ITGB5: variants seen among roughly 807,000 people sequenced by gnomAD.
ITGB5 encodes integrin subunit beta 5.
Under a neutral mutation model 84.8 loss-of-function variants are expected in ITGB5, and 38 were observed. The ratio of observed to expected loss-of-function variants is 0.45; its 90% CI spans 0.35 to 0.59. The LOEUF (loss-of-function observed/expected upper bound fraction) is 0.59, where lower values mean the gene tolerates loss of function less well. ITGB5 is among the 20% of genes least tolerant of loss of function. The probability of loss-of-function intolerance (pLI) is 0.01; values close to 1 mark genes in which losing one functional copy is unlikely to be tolerated. For missense variants in ITGB5, 905 were observed against 1,034.5 expected (o/e 0.87, Z 1.72); for synonymous variants, 393 against 414.4 (o/e 0.95, Z 0.63).
intron 10 of ITGB5, among the ~76,000 whole-genome samples, chr3:124,787,252 C>G (rs1458487719): frequency 6.6e-6 from 1 of 152,080 alleles, no homozygotes; most frequent in Non-Finnish European, 1.5e-5. Flanking sequence ...TTCAGAATCA[C>G]AGGTGAATTG....
intron 1 of ITGB5, among the ~76,000 whole-genome samples, chr3:124,898,321 A>G (rs1353425725): frequency 6.6e-6 from 1 of 151,834 alleles, no homozygotes; most frequent in Non-Finnish European, 1.5e-5. Context: ...TACCATTTAG[A>G]GGATATCGTG....
Position 124,819,824 on chromosome 3 carries a change from G to A in ITGB5, c.953C>T (p.Ser318Phe). 1 of 1,613,514 alleles carries A rather than the reference G, an allele frequency of 6.2e-7. No homozygotes were observed. The highest frequency in any genetic ancestry group is 8.5e-7 in the Non-Finnish European group (1 of 1,179,416). The change falls in exon 7 of 15, where the codon TCC (serine) becomes TTC (phenylalanine). Residue 318 changes from serine to phenylalanine, a missense_variant. Transcript: ENST00000296181. ...YTASNQMDYP[S>F]LALLGEKLAE... Reference sequence around the variant, plus strand: ...CAATTTCTCTCCAAGCAAGGCAAGGGATGGATAGTCCTAGGGCCAAGGCAA... The same window carrying A: ...CAATTTCTCTCCAAGCAAGGCAAGGAATGGATAGTCCTAGGGCCAAGGCAA...
intron 1 of ITGB5, among the ~76,000 whole-genome samples, chr3:124,894,137 T>TTTTTTTTTTC (rs1553770001): frequency 8.0e-6 from 1 of 125,468 alleles, no homozygotes; most frequent in African/African-American, 3.0e-5. Context: ...TATTTTTCTT[T>TTTTTTTTTTC]TTTTTTTTTT....
rs192418735 is a variant in ITGB5 at position 124,884,418 on chromosome 3, A to G, written c.70+2513T>C. On this transcript the variant is annotated intron_variant, in intron 1 of 14. Transcript: ENST00000296181. ...AACCTGTAGTCAAAGAGATGGGCAGAGGCCAGCCGTGGTGGCTCACACCTG... is the reference window on the plus strand; with the variant it reads ...AACCTGTAGTCAAAGAGATGGGCAGGGGCCAGCCGTGGTGGCTCACACCTG... 5.9e-5 allele frequency among the ~76,000 whole-genome samples: 9 copies of G among 152,260 alleles called. No individual in the cohort carries two copies. The East Asian group carries it at 1.4e-3, about 23-fold the overall frequency.
rs543053581 is a variant in ITGB5, at chr3:124,884,467, G to A, written c.70+2464C>T. ...TGTAATCCTAGCATTTTGGGAGGCC[G>A]AGGCGGGCGGATCACCTGAGGTTGG... On this transcript the variant is annotated intron_variant, in intron 1 of 14. Transcript: ENST00000296181. Among the ~76,000 whole-genome samples, 13 of 152,220 alleles carry A rather than the reference G, an allele frequency of 8.5e-5. No homozygotes were observed. In the South Asian group the frequency reaches 2.5e-3, roughly 29 times the overall value.
At chr3:124,779,264 G>A (rs1224376607) in intron 10 of ITGB5, among the ~76,000 whole-genome samples, 2 of 152,158 alleles carry the variant, frequency 1.3e-5, no homozygotes, top group Non-Finnish European at 2.9e-5. Context: ...TTTGGGGAAT[G>A]TAGGGGGTAA....
At chr3:124,804,999 TTTTC>T (rs1395393705) in intron 9 of ITGB5, among the ~76,000 whole-genome samples, 16 of 150,740 alleles carry the variant, frequency 1.1e-4, no homozygotes, top group Non-Finnish European at 1.8e-4. Flanking sequence ...CCTTCTTTCT[TTTTC>T]TTTCTTCTTC....
In ITGB5 at chr3:124,841,562, A is replaced by G; in HGVS notation, c.612-11T>C. The G allele has an allele frequency of 1.9e-6, 3 of 1,611,418 alleles. No individual in the cohort carries two copies. The highest frequency in any genetic ancestry group is 2.5e-6 in the Non-Finnish European group (3 of 1,178,448). On this transcript the variant is annotated splice_polypyrimidine_tract_variant and intron_variant, in intron 4 of 14. Transcript: ENST00000296181. The stretch of plus-strand genomic sequence containing the variant: ...GGAAACAACTTGTAACTAGAGAGGA[A>G]GAAGAGAAGAGTCACTTTTCCATCA...
intron 2 of ITGB5, among the ~76,000 whole-genome samples, chr3:124,863,671 A>G (rs888851350): frequency 1.3e-5 from 2 of 152,198 alleles, no homozygotes; most frequent in African/African-American, 4.8e-5. Flanking sequence ...AGCATGTGCT[A>G]CTATGCCTGG....
At chr3:124,775,092 T>C (rs1048593562) in intron 10 of ITGB5, among the ~76,000 whole-genome samples, 5 of 152,168 alleles carry the variant, frequency 3.3e-5, no homozygotes, top group African/African-American at 1.2e-4. Flanking sequence ...GCCCTGGCCC[T>C]TCCTTGCAGG....
intron 11 of ITGB5, among the ~76,000 whole-genome samples, chr3:124,770,976 G>A (rs541308682): frequency 6.7e-6 from 1 of 149,510 alleles, no homozygotes; most frequent in South Asian, 2.1e-4. Flanking sequence ...AGGATTCTCT[G>A]TCCCTGCCAT....
chr3:124,893,085 T>C (rs1258580148), intron 1 of ITGB5, among the ~76,000 whole-genome samples: 2 of 152,156 alleles, frequency 1.3e-5, no homozygotes, highest in African/African-American at 2.4e-5. Flanking sequence ...CTATGACACA[T>C]GTATACAATT....
intron 1 of ITGB5, among the ~76,000 whole-genome samples, chr3:124,877,394 C>T (rs1934375461): frequency 6.6e-6 from 1 of 152,160 alleles, no homozygotes; most frequent in Non-Finnish European, 1.5e-5. Context: ...TGTCAGCAAT[C>T]ACTATCTGCA....
rs1290023931 is a variant in ITGB5, at chr3:124,895,990, A to G, written c.-255+5276T>C. Among the ~76,000 whole-genome samples, 2 of 152,216 alleles carry G rather than the reference A, an allele frequency of 1.3e-5. 1 individual carries two copies. Among genetic ancestry groups the G allele is most frequent in the African/African-American group, 4.8e-5 (2 of 41,454 alleles). Reference sequence around the variant, plus strand: ...CTATAATTACCACTTGCAAAGCCAAATGTGTTCCGCACTTGGCAGCAGGCT... The same window carrying G: ...CTATAATTACCACTTGCAAAGCCAAGTGTGTTCCGCACTTGGCAGCAGGCT... On this transcript the variant is annotated intron_variant, in intron 1 of 4. Coordinates refer to the ITGB5 transcript ENST00000608657.
intron 10 of ITGB5, among the ~76,000 whole-genome samples, chr3:124,776,114 A>T (rs1169256289): frequency 2.6e-5 from 4 of 152,216 alleles, no homozygotes; most frequent in Non-Finnish European, 5.9e-5. Flanking sequence ...AACTGTGTAG[A>T]TGCGGGCGTG....
rs1426616990 is a variant in ITGB5, at chr3:124,797,770, T to A, written c.1264-953A>T. 7.9e-5 allele frequency among the ~76,000 whole-genome samples: 12 copies of A among 152,088 alleles called. 1 individual carries two copies. The highest frequency in any genetic ancestry group is 1.5e-5 in the Non-Finnish European group (1 of 68,012). On this transcript the variant is annotated intron_variant, in intron 9 of 14. Coordinates refer to ENST00000296181, the MANE Select transcript of ITGB5 (RefSeq NM_002213.5). Reference sequence around the variant, plus strand: ...AGCCATGTGGGGTCTGAATCACCCATCAGGGCCCTGAGAGCAAGTCACTGT... The same window carrying A: ...AGCCATGTGGGGTCTGAATCACCCAACAGGGCCCTGAGAGCAAGTCACTGT...
intron 2 of ITGB5, among the ~76,000 whole-genome samples, chr3:124,867,628 C>A (rs1559978267): frequency 6.6e-6 from 1 of 152,226 alleles, no homozygotes; most frequent in Non-Finnish European, 1.5e-5. Context: ...GAGCAAGTCT[C>A]CCAGTTCTCA....
intron 2 of ITGB5, among the ~76,000 whole-genome samples, chr3:124,871,014 C>A (rs899069140): frequency 2.6e-5 from 4 of 152,060 alleles, no homozygotes; most frequent in Non-Finnish European, 4.4e-5. Flanking sequence ...CTCAGCCCCC[C>A]AAGTAGCTGG....
chr3:124,792,117 T>C (rs1332230327), intron 10 of ITGB5: 1 of 152,212 alleles, frequency 6.6e-6, no homozygotes, highest in Admixed American at 6.5e-5. Flanking sequence ...CAACTAGTTG[T>C]TGCTTTTAAA....
Sources: allele counts gnomAD v4.1 joint callset (sites outside exome capture counted in the v4.1 genomes callset), GRCh38; gene constraint gnomAD v4.1.1; transcripts MANE v1.5; gene names NCBI Gene and HGNC (gene_info 2026-07-23, HGNC 2026-07-21).